Variants in GALNT14 observed in about 807,000 individuals in gnomAD.
GALNT14 encodes the protein polypeptide N-acetylgalactosaminyltransferase 14, also known as UDP-GalNAc:polypeptide N-acetylgalactosaminyltransferase 14.
In GALNT14, 60 loss-of-function variants were observed where a neutral mutation model predicts 77.5. The observed-to-expected ratio is 0.77, with a 90% CI of 0.63 to 0.96. The LOEUF is 0.96. Ranked by LOEUF, GALNT14 falls within the 40% of genes least tolerant of loss-of-function variation. GALNT14 has a pLI of 0.00. For synonymous variants in GALNT14, 280 were observed against 281.7 expected, an observed-to-expected ratio of 0.99 and a Z score of 0.06; for missense variants, 710 against 731.0, an observed-to-expected ratio of 0.97 and a Z score of 0.33.
the GALNT14 span, among the ~76,000 whole-genome samples, chr2:30,888,958 G>C: frequency 6.6e-6 from 1 of 150,944 alleles, no homozygotes; most frequent in African/African-American, 2.4e-5. Flanking sequence ...TTCTGGGTGA[G>C]TCTTGTTATC....
intron 2 of GALNT14, among the ~76,000 whole-genome samples, chr2:30,989,681 A>G (rs1669565803): frequency 8.7e-6 from 1 of 114,728 alleles, no homozygotes; most frequent in African/African-American, 3.0e-5. Context: ...TATATATAAA[A>G]AATATATATT....
At chr2:30,906,463 G>A (rs1285415005), downstream of GALNT14, among the ~76,000 whole-genome samples, 12 of 149,418 alleles carry the variant, frequency 8.0e-5, no homozygotes, top group Admixed American at 3.3e-4. Context: ...AGACAAAGAA[G>A]GCCATTACAT....
chr2:31,071,200 G>C (rs1337992909), intron 1 of GALNT14, among the ~76,000 whole-genome samples: 1 of 152,204 alleles, frequency 6.6e-6, no homozygotes, highest in Non-Finnish European at 1.5e-5. Flanking sequence ...CACCACTAAA[G>C]AACTTACTCA....
At position 30,989,583 on chromosome 2, in the gene GALNT14, A is replaced by ATATATATATATATAAAT. The variant is rs56703340; in HGVS notation, c.299+3254_299+3255insATTTATATATATATATA. ...CCTTATATATATATATATATATATA[A>ATATATATATATATAAAT]AAATATATATATTAGTAGATATATA... On this transcript the variant is annotated intron_variant, in intron 2 of 14. Coordinates refer to ENST00000349752, the MANE Select transcript of GALNT14 (RefSeq NM_024572.4). Among the ~76,000 whole-genome samples, 403 of 91,786 alleles carry ATATATATATATATAAAT rather than the reference A, an allele frequency of 4.4e-3. 4 individuals are homozygous for ATATATATATATATAAAT. The highest frequency in any genetic ancestry group is 0.011 in the Middle Eastern group (2 of 174). The allele number at this position is 91,786 out of a possible 152,430, so 60.2% of individuals were successfully genotyped here.
At chr2:31,069,534 T>C (rs550800989) in intron 1 of GALNT14, among the ~76,000 whole-genome samples, 1 of 152,292 alleles carries the variant, frequency 6.6e-6, no homozygotes, top group East Asian at 1.9e-4. Context: ...ATGTGATACT[T>C]TACCCAGGGA....
At chr2:30,972,918 G>C (rs996159973) in intron 2 of GALNT14, among the ~76,000 whole-genome samples, 12 of 152,192 alleles carry the variant, frequency 7.9e-5, no homozygotes, top group Non-Finnish European at 1.5e-4. Flanking sequence ...TCAGGTGGGC[G>C]AAGATGTGAC....
intron 2 of GALNT14, among the ~76,000 whole-genome samples, chr2:30,990,368 CAGG>C: frequency 6.6e-6 from 1 of 152,294 alleles, no homozygotes; most frequent in South Asian, 2.1e-4. Context: ...GGAATTGCAT[CAGG>C]ATGAAGCCGG....
chr2:30,902,546 G>A, the GALNT14 span, among the ~76,000 whole-genome samples: 1 of 151,924 alleles, frequency 6.6e-6, no homozygotes, highest in Non-Finnish European at 1.5e-5. Flanking sequence ...CTGAGATGAG[G>A]TGTGTTTGTC....
At chr2:31,065,124 A>C (rs1406268948) in intron 1 of GALNT14, 1 of 151,924 alleles carries the variant, frequency 6.6e-6, no homozygotes, top group Non-Finnish European at 1.5e-5. Context: ...GTTCACCCAC[A>C]GAATATACAG....
chr2:30,988,775 C>A (rs59078374), intron 2 of GALNT14, among the ~76,000 whole-genome samples: 1 of 152,090 alleles, frequency 6.6e-6, no homozygotes, highest in Non-Finnish European at 1.5e-5. Flanking sequence ...CAGTTCAGAT[C>A]GCTAAACTCC....
At chr2:31,007,019 A>C (rs1022184677) in intron 1 of GALNT14, among the ~76,000 whole-genome samples, 2 of 152,176 alleles carry the variant, frequency 1.3e-5, no homozygotes, top group Non-Finnish European at 2.9e-5. Flanking sequence ...CAGCTGCTGA[A>C]TATGTAGGTG....
intron 1 of GALNT14, among the ~76,000 whole-genome samples, chr2:31,130,056 G>A (rs1162365867): frequency 2.6e-5 from 4 of 152,180 alleles, no homozygotes; most frequent in African/African-American, 9.7e-5. Flanking sequence ...CTGCTCTCCT[G>A]CATTTCCTTG....
chr2:31,027,137 A>T (rs1440486188), intron 1 of GALNT14, among the ~76,000 whole-genome samples: 1 of 152,240 alleles, frequency 6.6e-6, no homozygotes. Flanking sequence ...CATGAGTGTT[A>T]AAAACAGGCC....
chr2:30,942,289 A>G lies in GALNT14; in HGVS notation c.843T>C (p.Ala281=), dbSNP rs1442765348. Residue 281 remains alanine (A), a synonymous_variant, in exon 9 of 15, where the codon GCT becomes GCC. Transcript: ENST00000349752. ...PTEPIRTPII[A]GGLFVIDKAW... ...CTTTGTCGATCACGAAGAGCCCTCC[A>G]GCTATGATAGGAGTCCTGTGCATTT... 1 of 1,613,684 alleles carries G rather than the reference A, an allele frequency of 6.2e-7. No homozygotes were observed. Among genetic ancestry groups the G allele is most frequent in the Non-Finnish European group, 8.5e-7 (1 of 1,179,716 alleles).
At chr2:30,984,600 C>T (rs1344735317) in intron 2 of GALNT14, among the ~76,000 whole-genome samples, 1 of 152,194 alleles carries the variant, frequency 6.6e-6, no homozygotes, top group Non-Finnish European at 1.5e-5. Context: ...TCATTCTACA[C>T]CCTAAGTAAA....
chr2:30,931,961 C>T (rs1159828705), intron 10 of GALNT14, 107 bp downstream of exon 10: 3 of 1,176,652 alleles, frequency 2.5e-6, no homozygotes, highest in Non-Finnish European at 3.3e-6. Flanking sequence ...TCAAATCACA[C>T]AGGCAGCCTA....
chr2:30,889,556 A>C, the GALNT14 span, among the ~76,000 whole-genome samples: 1 of 152,164 alleles, frequency 6.6e-6, no homozygotes, highest in Non-Finnish European at 1.5e-5. Flanking sequence ...GATTCTCATG[A>C]CCACCTTGTG....
intron 1 of GALNT14, among the ~76,000 whole-genome samples, chr2:31,046,202 G>T (rs1459649491): frequency 6.6e-6 from 1 of 151,170 alleles, no homozygotes; most frequent in Non-Finnish European, 1.5e-5. Flanking sequence ...TTGAACCTAA[G>T]TTGGCTGACT....
At chr2:30,961,996 G>A (rs1667721907) in intron 3 of GALNT14, among the ~76,000 whole-genome samples, 1 of 152,028 alleles carries the variant, frequency 6.6e-6, no homozygotes, top group Non-Finnish European at 1.5e-5. Flanking sequence ...CCCAGCCTGG[G>A]TTAGACTTTC....
Sources: gnomAD v4.1 joint callset for allele counts (sites outside exome capture counted in the v4.1 genomes callset) on GRCh38, gnomAD v4.1.1 for gene constraint, MANE v1.5 for transcripts, NCBI Gene and HGNC (gene_info 2026-07-23, HGNC 2026-07-21) for gene names.